The following KCNAB1 variants were observed in gnomAD, a reference collection of about 807,000 sequenced individuals.
The protein encoded by KCNAB1 is potassium voltage-gated channel subfamily A regulatory beta subunit 1, also known as voltage-gated potassium channel subunit beta-1.
Under a neutral mutation model 64.6 loss-of-function variants are expected in KCNAB1, and 35 were observed. The observed-to-expected ratio is 0.54, with a 90% CI of 0.41 to 0.72. The LOEUF is 0.72. KCNAB1 is among the 30% of genes least tolerant of loss of function. KCNAB1 has a pLI of 0.00. For missense variants in KCNAB1, 401 were observed against 512.9 expected (o/e 0.78, Z 2.11); for synonymous variants, 177 against 183.8 (o/e 0.96, Z 0.30).
At chr3:156,505,285 A>G (rs1200988514) in intron 8 of KCNAB1, among the ~76,000 whole-genome samples, 2 of 152,124 alleles carry the variant, frequency 1.3e-5, no homozygotes, top group Non-Finnish European at 2.9e-5. Context: ...CCAGTATCAC[A>G]CTATTTTAGT....
chr3:156,307,078 A>G (rs1038655640), intron 1 of KCNAB1, among the ~76,000 whole-genome samples: 2 of 152,204 alleles, frequency 1.3e-5, no homozygotes, highest in African/African-American at 4.8e-5. Context: ...GAAAAATATT[A>G]ACATGTCATA....
In KCNAB1 at chr3:156,317,587, A is replaced by G. The variant is rs532410349; in HGVS notation, c.276-104029A>G. 5.3e-5 allele frequency among the ~76,000 whole-genome samples: 8 copies of G among 152,210 alleles called. No individual in the cohort carries two copies. The South Asian group carries it at 1.7e-3, about 32-fold the overall frequency. On this transcript the variant is annotated intron_variant, in intron 1 of 13. Transcript: ENST00000490337. ...CTCGATGCCATTAACCCTGCCACTTAATAAAGGAAATGACTCAAAAAGATG... is the reference window on the plus strand; with the variant it reads ...CTCGATGCCATTAACCCTGCCACTTGATAAAGGAAATGACTCAAAAAGATG...
intron 1 of KCNAB1, among the ~76,000 whole-genome samples, chr3:156,255,610 T>C (rs1718059176): frequency 6.6e-6 from 1 of 152,208 alleles, no homozygotes; most frequent in Admixed American, 6.5e-5. Context: ...TGCCCAGTAC[T>C]TCATGTATCC....
intron 1 of KCNAB1, among the ~76,000 whole-genome samples, chr3:156,337,278 A>G (rs1051018050): frequency 7.2e-5 from 11 of 152,240 alleles, no homozygotes; most frequent in African/African-American, 2.7e-4. Context: ...TTTGAGGAGT[A>G]CAGGGCTGAT....
At chr3:156,440,868 T>TCA (rs1716942970) in intron 2 of KCNAB1, among the ~76,000 whole-genome samples, 1 of 152,220 alleles carries the variant, frequency 6.6e-6, no homozygotes, top group Admixed American at 6.5e-5. Flanking sequence ...CTGGGTAAAT[T>TCA]TGAGTGTAAT....
At chr3:156,276,876 A>T (rs1453159755) in intron 1 of KCNAB1, among the ~76,000 whole-genome samples, 1 of 152,122 alleles carries the variant, frequency 6.6e-6, no homozygotes, top group Non-Finnish European at 1.5e-5. Flanking sequence ...CTTATCATTT[A>T]TGTGTTCACT....
intron 1 of KCNAB1, among the ~76,000 whole-genome samples, chr3:156,143,901 C>CTTTA (rs145502397): frequency 0.044 from 6,387 of 146,774 alleles, 177 homozygotes; most frequent in African/African-American, 0.067. Flanking sequence ...AATGACAGCA[C>CTTTA]TTTATTTATT....
intron 1 of KCNAB1, among the ~76,000 whole-genome samples, chr3:156,195,799 C>T (rs1190792210): frequency 6.6e-6 from 1 of 152,090 alleles, no homozygotes; most frequent in Non-Finnish European, 1.5e-5. Context: ...TAATTAGAGG[C>T]CATTTGTCAA....
At chr3:156,500,204 A>G (rs970952014) in intron 8 of KCNAB1, among the ~76,000 whole-genome samples, 1 of 152,210 alleles carries the variant, frequency 6.6e-6, no homozygotes, top group Non-Finnish European at 1.5e-5. Context: ...ATTAGGTGCA[A>G]GGAAGCACAT....
rs369831194 is a variant in KCNAB1 at position 156,470,420 on chromosome 3, C to CT, written c.572-4313dup. 8.6e-4 allele frequency among the ~76,000 whole-genome samples: 131 copies of CT among 152,292 alleles called. 1 individual carries two copies. Among genetic ancestry groups the CT allele is most frequent in the African/African-American group, 3.1e-3 (128 of 41,554 alleles). On this transcript the variant is annotated intron_variant, in intron 7 of 13. Transcript: ENST00000490337. ...CCTGTAATCCCAACGATTTGGGAGGCTGAGGTGGGAGGATGGCTTGAGGCC... is the reference window on the plus strand; with the variant it reads ...CCTGTAATCCCAACGATTTGGGAGGCTTGAGGTGGGAGGATGGCTTGAGGCC...
chr3:156,250,491 T>C (rs142940987), intron 1 of KCNAB1, among the ~76,000 whole-genome samples: 137 of 152,338 alleles, frequency 9.0e-4, no homozygotes, highest in African/African-American at 3.0e-3. Flanking sequence ...CATGTATTCA[T>C]TCAGCAAGCT....
chr3:156,400,977 G>T (rs1475301868), intron 1 of KCNAB1, among the ~76,000 whole-genome samples: 1 of 152,124 alleles, frequency 6.6e-6, no homozygotes, highest in East Asian at 1.9e-4. Context: ...ATGCCCAAAG[G>T]CTACTCAATA....
At chr3:156,161,624 AG>A (rs1201996062) in intron 1 of KCNAB1, among the ~76,000 whole-genome samples, 3 of 152,204 alleles carry the variant, frequency 2.0e-5, no homozygotes, top group Non-Finnish European at 4.4e-5. Flanking sequence ...TTTTGAATAT[AG>A]GTAACTGTCT....
chr3:156,276,145 C>T (rs1719332694), intron 1 of KCNAB1, among the ~76,000 whole-genome samples: 2 of 152,102 alleles, frequency 1.3e-5, no homozygotes, highest in Admixed American at 1.3e-4. Context: ...ACATTAATCC[C>T]CTTGTACATT....
chr3:156,518,229 T>C (rs1426685990), intron 11 of KCNAB1, among the ~76,000 whole-genome samples: 2 of 152,290 alleles, frequency 1.3e-5, no homozygotes, highest in Non-Finnish European at 2.9e-5. Context: ...TCCTTAACAA[T>C]AAACATTAAG....
chr3:156,181,863 C>T (rs1712840436), intron 1 of KCNAB1, among the ~76,000 whole-genome samples: 1 of 152,038 alleles, frequency 6.6e-6, no homozygotes, highest in South Asian at 2.1e-4. Context: ...ACATGTCAAG[C>T]TTGATGTTCA....
intron 1 of KCNAB1, among the ~76,000 whole-genome samples, chr3:156,235,784 C>T (rs1367242183): frequency 6.6e-6 from 1 of 152,162 alleles, no homozygotes; most frequent in Non-Finnish European, 1.5e-5. Context: ...GAGGGACAAT[C>T]CTTGAATTCT....
chr3:156,482,057 C>A (rs1242503223), intron 8 of KCNAB1, among the ~76,000 whole-genome samples: 1 of 152,120 alleles, frequency 6.6e-6, no homozygotes, highest in African/African-American at 2.4e-5. Flanking sequence ...CAGGGCTGCA[C>A]AGGATCTGTG....
At chr3:156,133,611 G>T (rs993331606) in intron 1 of KCNAB1, among the ~76,000 whole-genome samples, 3 of 152,172 alleles carry the variant, frequency 2.0e-5, no homozygotes, top group African/African-American at 7.2e-5. Context: ...TGCCCTGAAT[G>T]ATCCTGGAGT....
Sources: gnomAD v4.1 joint callset for allele counts (sites outside exome capture counted in the v4.1 genomes callset) on GRCh38, gnomAD v4.1.1 for gene constraint, MANE v1.5 for transcripts, NCBI Gene and HGNC (gene_info 2026-07-23, HGNC 2026-07-21) for gene names.